Variants in WWC2 observed in about 807,000 individuals in gnomAD.
WWC2 encodes the protein WW and C2 domain containing 2.
In WWC2, 101 loss-of-function variants were observed where a neutral mutation model predicts 138.5. The ratio of observed to expected loss-of-function variants is 0.73; its 90% CI spans 0.62 to 0.86. The LOEUF (loss-of-function observed/expected upper bound fraction) is 0.86. WWC2 is among the 40% of genes least tolerant of loss of function. The pLI is 0.00. For synonymous variants in WWC2, 558 were observed against 538.4 expected (o/e 1.04, Z -0.50); for missense variants, 1,420 against 1,419.4 (o/e 1.00, Z -0.01).
chr4:183,303,443 C>G (rs897152209), intron 21 of WWC2, among the ~76,000 whole-genome samples: 1 of 152,174 alleles, frequency 6.6e-6, no homozygotes, highest in African/African-American at 2.4e-5. Flanking sequence ...AGCCTCTTAG[C>G]ATACCTACAA....
chr4:183,245,273 C>T, intron 5 of WWC2, 143 bp from the exon 6 acceptor site: 1 of 542,064 alleles, frequency 1.8e-6, no homozygotes, highest in Non-Finnish European at 2.7e-6. Context: ...GGAGAAACTG[C>T]CTGAAAAGAT....
chr4:183,120,944 C>T (rs1464951241), intron 1 of WWC2, among the ~76,000 whole-genome samples: 3 of 152,142 alleles, frequency 2.0e-5, no homozygotes, highest in African/African-American at 7.2e-5. Context: ...ACATTGTGGC[C>T]AGGAGGGGTT....
intron 16 of WWC2, 121 bp downstream of exon 16, chr4:183,271,362 T>C (rs1026521083): frequency 8.1e-6 from 6 of 738,122 alleles, no homozygotes; most frequent in Non-Finnish European, 1.2e-5. Flanking sequence ...ACTTTCACTG[T>C]CCTTCCTTTT....
chr4:183,201,018 T>G (rs941577251), intron 2 of WWC2, among the ~76,000 whole-genome samples: 2 of 152,236 alleles, frequency 1.3e-5, no homozygotes, highest in Non-Finnish European at 2.9e-5. Context: ...TTCTGTACTT[T>G]GAGGCAGGTT....
chr4:183,137,973 C>A (rs1172652413), intron 1 of WWC2, among the ~76,000 whole-genome samples: 1 of 152,066 alleles, frequency 6.6e-6, no homozygotes, highest in Non-Finnish European at 1.5e-5. Flanking sequence ...TTTAATAGAA[C>A]TTTGTATGTA....
chr4:183,178,419 A>AATAC (rs1489158699), intron 1 of WWC2, among the ~76,000 whole-genome samples: 4 of 148,492 alleles, frequency 2.7e-5, no homozygotes, highest in African/African-American at 1.0e-4. Context: ...TAAATAAATA[A>AATAC]ATTTAAAAAA....
At chr4:183,231,258 CTTTTTTT>C (rs1192297768) in intron 4 of WWC2, among the ~76,000 whole-genome samples, 487 of 75,202 alleles carry the variant, frequency 6.5e-3, no homozygotes, top group African/African-American at 0.028. Flanking sequence ...ACAGTGAAAG[CTTTTTTT>C]TTTTTTTTTT....
chr4:183,113,455 C>A lies in WWC2; in HGVS notation c.131+13833C>A, dbSNP rs372277202. Reference sequence around the variant, plus strand: ...TGTTTGGGAGCTATTGGAGAGTTTTCAATTGAACTGAGGTAAGGTGGGGCC... The same window carrying A: ...TGTTTGGGAGCTATTGGAGAGTTTTAAATTGAACTGAGGTAAGGTGGGGCC... On this transcript the variant is annotated intron_variant, in intron 1 of 22. Transcript: ENST00000403733. Among the ~76,000 whole-genome samples the A allele has an allele frequency of 1.1e-4, 17 of 150,456 alleles. 1 individual carries two copies. Among genetic ancestry groups the A allele is most frequent in the South Asian group, 4.2e-4 (2 of 4,726 alleles).
chr4:183,189,457 T>A (rs1471757895), intron 1 of WWC2, among the ~76,000 whole-genome samples: 2 of 151,780 alleles, frequency 1.3e-5, no homozygotes, highest in Non-Finnish European at 2.9e-5. Context: ...AAAAAAGTTA[T>A]TTCGAGGGAA....
intron 10 of WWC2, among the ~76,000 whole-genome samples, chr4:183,260,289 T>C (rs1418021142): frequency 6.6e-6 from 1 of 152,218 alleles, no homozygotes; most frequent in Non-Finnish European, 1.5e-5. Flanking sequence ...AATAAACTTA[T>C]CAACAGGTAT....
At chr4:183,226,582 AATAGAG>A (rs1194500594) in intron 4 of WWC2, among the ~76,000 whole-genome samples, 5 of 152,054 alleles carry the variant, frequency 3.3e-5, no homozygotes, top group Admixed American at 6.5e-5. Flanking sequence ...GACAGGGAGA[AATAGAG>A]ATAAAGACAA....
At chr4:183,165,150 T>C (rs887515459) in intron 1 of WWC2, among the ~76,000 whole-genome samples, 3 of 151,876 alleles carry the variant, frequency 2.0e-5, no homozygotes, top group Non-Finnish European at 1.5e-5. Context: ...TTGGGCAAAG[T>C]TGGTTTGAGG....
intron 1 of WWC2, among the ~76,000 whole-genome samples, chr4:183,116,186 C>T (rs996143042): frequency 6.6e-6 from 1 of 152,098 alleles, no homozygotes; most frequent in Non-Finnish European, 1.5e-5. Flanking sequence ...CTAACATGTT[C>T]CATTGGTGTG....
intron 5 of WWC2, among the ~76,000 whole-genome samples, chr4:183,241,411 G>T (rs754435803): frequency 1.3e-5 from 2 of 152,184 alleles, no homozygotes; most frequent in Non-Finnish European, 2.9e-5. Flanking sequence ...CATATCTTGG[G>T]ATACGCAGGC....
chr4:183,133,077 T>C (rs1732985687), intron 1 of WWC2, among the ~76,000 whole-genome samples: 1 of 151,270 alleles, frequency 6.6e-6, no homozygotes, highest in African/African-American at 2.4e-5. Context: ...TCCTTCCCTC[T>C]TCCCTTACCT....
At chr4:183,198,358 A>G (rs1422038228) in intron 2 of WWC2, among the ~76,000 whole-genome samples, 1 of 152,188 alleles carries the variant, frequency 6.6e-6, no homozygotes, top group African/African-American at 2.4e-5. Context: ...TCATATTGAT[A>G]CACACATGCA....
chr4:183,168,021 AATTTTTTTGT>A (rs1734172215), intron 1 of WWC2, among the ~76,000 whole-genome samples: 1 of 151,734 alleles, frequency 6.6e-6, no homozygotes, highest in Non-Finnish European at 1.5e-5. Flanking sequence ...ATGCCAAGCC[AATTTTTTTGT>A]ATTTTTAGTA....
intron 1 of WWC2, among the ~76,000 whole-genome samples, chr4:183,118,108 A>T (rs1418963204): frequency 1.3e-5 from 2 of 151,988 alleles, no homozygotes; most frequent in East Asian, 3.9e-4. Flanking sequence ...GGTTATGGAT[A>T]TTTTTTTTAC....
At chr4:183,207,842 A>C in intron 2 of WWC2, 111 bp from the exon 3 acceptor site, 3 of 1,033,520 alleles carry the variant, frequency 2.9e-6, no homozygotes, top group Non-Finnish European at 4.1e-6. Context: ...AGCACAGCTA[A>C]ATAAACTCCT....
Sources: allele counts gnomAD v4.1 joint callset (sites outside exome capture counted in the v4.1 genomes callset), GRCh38; gene constraint gnomAD v4.1.1; transcripts MANE v1.5; gene names NCBI Gene and HGNC (gene_info 2026-07-23, HGNC 2026-07-21).